The following SDK2 variants were observed in gnomAD, a reference collection of about 807,000 sequenced individuals.
SDK2 encodes the protein sidekick cell adhesion molecule 2, also known as protein sidekick-2.
In SDK2, 105 loss-of-function variants were observed where a neutral mutation model predicts 253.9. That is an observed-to-expected ratio of 0.41 (90% CI 0.35 to 0.49). The LOEUF (loss-of-function observed/expected upper bound fraction) is 0.49. Among genes scored for constraint, SDK2 ranks in the 20% least tolerant of loss-of-function variants. SDK2 has a pLI of 0.06. For synonymous variants in SDK2, 1,249 were observed against 1,234.9 expected, an observed-to-expected ratio of 1.01 and a Z score of -0.24; for missense variants, 2,608 against 3,003.0, an observed-to-expected ratio of 0.87 and a Z score of 3.07.
chr17:73,489,072 T>G (rs1231264291), intron 2 of SDK2, among the ~76,000 whole-genome samples: 1 of 152,216 alleles, frequency 6.6e-6, no homozygotes, highest in Non-Finnish European at 1.5e-5. Flanking sequence ...TGTTAGGCAC[T>G]GGGAATTAGC....
At chr17:73,418,635 T>A (rs1345707921) in intron 16 of SDK2, among the ~76,000 whole-genome samples, 1 of 152,236 alleles carries the variant, frequency 6.6e-6, no homozygotes, top group Non-Finnish European at 1.5e-5. Context: ...GAATTTGAAC[T>A]TATGAATACC....
intron 18 of SDK2, among the ~76,000 whole-genome samples, chr17:73,413,589 T>C (rs562270913): frequency 1.3e-5 from 2 of 152,284 alleles, no homozygotes; most frequent in East Asian, 1.9e-4. Flanking sequence ...CAAATGCATT[T>C]CTACGACCAC....
chr17:73,566,847 AC>A (rs1046370717), intron 1 of SDK2, among the ~76,000 whole-genome samples: 11 of 152,002 alleles, frequency 7.2e-5, no homozygotes, highest in African/African-American at 2.7e-4. Flanking sequence ...GAACAAAAAA[AC>A]GACTTAAATT....
In SDK2 at chr17:73,528,399, C is replaced by T. The variant is rs147944930; in HGVS notation, c.65-20802G>A. On this transcript the variant is annotated intron_variant, in intron 1 of 44. Coordinates refer to ENST00000392650, the MANE Select transcript of SDK2 (RefSeq NM_001144952.2). ...TTGCAATGTGCCAGGTTGTCCCAGGCGATGCACCAAGTCCACATGACAATC... is the reference window on the plus strand; with the variant it reads ...TTGCAATGTGCCAGGTTGTCCCAGGTGATGCACCAAGTCCACATGACAATC... 6.6e-3 allele frequency among the ~76,000 whole-genome samples: 1,004 copies of T among 152,312 alleles called. 6 individuals are homozygous for T. The highest frequency in any genetic ancestry group is 0.02 in the Middle Eastern group (6 of 294).
rs112567584 is a variant in SDK2 at position 73,534,900 on chromosome 17, C to T, written c.65-27303G>A. Among the ~76,000 whole-genome samples, 945 of 152,238 alleles carry T rather than the reference C, an allele frequency of 6.2e-3. 10 individuals carry two copies. Among genetic ancestry groups the T allele is most frequent in the African/African-American group, 0.022 (898 of 41,550 alleles). ...GGATACTGGATACTCTGCGATCGGC[C>T]GATCAGCCCGCTACTGGGTCTAAGG... On this transcript the variant is annotated intron_variant, in intron 1 of 44. Coordinates refer to ENST00000392650, the MANE Select transcript of SDK2 (RefSeq NM_001144952.2). This position sits in a 1 kb window ranked among gnomAD's most constrained non-coding sequence, Gnocchi z 4.9.
chr17:73,339,132 C>G (rs930586426), intron 44 of SDK2, among the ~76,000 whole-genome samples, 192 bp from the exon 45 acceptor site: 1 of 152,136 alleles, frequency 6.6e-6, no homozygotes, highest in Non-Finnish European at 1.5e-5. Context: ...CTGCTTCCTT[C>G]ACAGCAGATC....
chr17:73,412,191 C>A (rs543483389), intron 18 of SDK2, among the ~76,000 whole-genome samples: 1 of 147,046 alleles, frequency 6.8e-6, no homozygotes, highest in Admixed American at 6.8e-5. Flanking sequence ...TATGCACATA[C>A]ACACATATAC....
intron 44 of SDK2, among the ~76,000 whole-genome samples, chr17:73,341,620 T>A (rs2062437818): frequency 1.3e-5 from 2 of 152,024 alleles, no homozygotes; most frequent in African/African-American, 4.8e-5. Context: ...CAGACAAGTT[T>A]GGGATGGGGA....
At chr17:73,405,615 G>A (rs1416998902) in intron 18 of SDK2, among the ~76,000 whole-genome samples, 2 of 149,424 alleles carry the variant, frequency 1.3e-5, no homozygotes, top group African/African-American at 2.5e-5. Flanking sequence ...TATTCATGTG[G>A]GATTGGTTCC....
In SDK2 at chr17:73,481,117, G is replaced by A. The variant is rs533472623; in HGVS notation, c.225-8899C>T. Reference sequence around the variant, plus strand: ...AGGGGAAGATCCGGAATTGGTTCTGGAGCAGGCACTGGGGAGGGGACAGGC... The same window carrying A: ...AGGGGAAGATCCGGAATTGGTTCTGAAGCAGGCACTGGGGAGGGGACAGGC... On this transcript the variant is annotated intron_variant, in intron 2 of 44. Transcript: ENST00000392650. This position sits in a 1 kb window ranked among gnomAD's most constrained non-coding sequence, Gnocchi z 4.5. Among the ~76,000 whole-genome samples, 1 of 152,314 alleles carries A rather than the reference G, an allele frequency of 6.6e-6. No individual in the cohort carries two copies. Among genetic ancestry groups the A allele is most frequent in the Non-Finnish European group, 1.5e-5 (1 of 68,024 alleles).
chr17:73,395,396 C>T lies in SDK2; in HGVS notation c.3355-4G>A, dbSNP rs1599521206. 1 of 1,612,516 alleles carries T rather than the reference C, an allele frequency of 6.2e-7. No individual in the cohort carries two copies. The highest frequency in any genetic ancestry group is 8.5e-7 in the Non-Finnish European group (1 of 1,178,780). The stretch of plus-strand genomic sequence containing the variant: ...TGTATTCCATCTCCGGGAGAGGCTG[C>T]AGCGGGGCAGGGGTGGCAAAGCTGC... On this transcript the variant is annotated splice_polypyrimidine_tract_variant and splice_region_variant and intron_variant, in intron 24 of 44. Coordinates refer to ENST00000392650, the MANE Select transcript of SDK2 (RefSeq NM_001144952.2). This position sits in a 1 kb window ranked among gnomAD's most constrained non-coding sequence, Gnocchi z 4.3.
Position 73,629,221 on chromosome 17 carries a change from C to G in SDK2, c.64+14804G>C, listed in dbSNP as rs1251214571. 6.6e-6 allele frequency among the ~76,000 whole-genome samples: 1 copy of G among 152,174 alleles called. No individual in the cohort carries two copies. The highest frequency in any genetic ancestry group is 2.4e-5 in the African/African-American group (1 of 41,442). On this transcript the variant is annotated intron_variant, in intron 1 of 44. Coordinates refer to ENST00000392650, the MANE Select transcript of SDK2 (RefSeq NM_001144952.2). The surrounding 1 kb of genome is among the most constrained non-coding windows in gnomAD (Gnocchi z 5.0). ...TTCTCTTTGTTCCCTACCATTTTAGCTCAGATACGGGCCCTCAGGGAGGCT... is the reference window on the plus strand; with the variant it reads ...TTCTCTTTGTTCCCTACCATTTTAGGTCAGATACGGGCCCTCAGGGAGGCT...
chr17:73,415,934 C>T lies in SDK2; in HGVS notation c.2245G>A (p.Val749Met). The change falls in exon 17 of 45, where the codon GTG (valine) becomes ATG (methionine). Residue 749 changes from valine to methionine, a missense_variant. Around this residue, in one of 2 missense-constraint regions of SDK2, gnomAD observed 1,505 missense variants for 1,859.1 expected, o/e 0.81. Transcript: ENST00000392650. Reference sequence around the variant, plus strand: ...AGATCCTCCAGCAGCAGGTTGTTCACATCAGCATCCGTGATGTTCTTAAAC... The same window carrying T: ...AGATCCTCCAGCAGCAGGTTGTTCATATCAGCATCCGTGATGTTCTTAAAC... ...YQFKNITDAD[V>M]NNLLLEDLII... 1 of 1,611,260 alleles carries T rather than the reference C, an allele frequency of 6.2e-7. No individual in the cohort carries two copies. Among genetic ancestry groups the T allele is most frequent in the Non-Finnish European group, 8.5e-7 (1 of 1,178,880 alleles).
At chr17:73,355,354 T>G (rs2062583128) in intron 40 of SDK2, among the ~76,000 whole-genome samples, 1 of 149,636 alleles carries the variant, frequency 6.7e-6, no homozygotes, top group Admixed American at 6.7e-5. Flanking sequence ...ACTTATTTAT[T>G]TATTTATTTA....
intron 5 of SDK2, among the ~76,000 whole-genome samples, chr17:73,441,315 T>C (rs1320261905): frequency 6.6e-6 from 1 of 152,168 alleles, no homozygotes; most frequent in Non-Finnish European, 1.5e-5. Context: ...GCAAACTCTC[T>C]GTACGAGGTC....
Position 73,348,671 on chromosome 17 carries a change from G to C in SDK2, c.6093C>G (p.Thr2031=). The C allele has an allele frequency of 6.2e-7, 1 of 1,612,414 alleles. No individual in the cohort carries two copies. Among genetic ancestry groups the C allele is most frequent in the East Asian group, 2.2e-5 (1 of 44,876 alleles). The change falls in exon 44 of 45, where the codon ACC becomes ACG. Residue 2031 remains threonine (T), a synonymous_variant. Coordinates refer to ENST00000392650, the MANE Select transcript of SDK2 (RefSeq NM_001144952.2). The stretch of plus-strand genomic sequence containing the variant: ...CTGCAGGGATGAGGTCGTTGTATTT[G>C]GTGACATCCTCATCCGAGTAGTGCA... ...GSLHYSDEDV[T]KYNDLIPAES... is the part of the protein sequence containing the mutation.
chr17:73,442,736 G>A (rs1464742149), intron 5 of SDK2, among the ~76,000 whole-genome samples: 1 of 151,752 alleles, frequency 6.6e-6, no homozygotes, highest in Non-Finnish European at 1.5e-5. Flanking sequence ...GTGAACAAAT[G>A]AATGGATCTA....
rs2063250891 is a variant in SDK2 at position 73,423,456 on chromosome 17, G to C, written c.1827C>G (p.Asn609Lys). The C allele has an allele frequency of 1.3e-6, 2 of 1,594,776 alleles. No individual in the cohort carries two copies. Among genetic ancestry groups the C allele is most frequent in the African/African-American group, 2.7e-5 (2 of 74,426 alleles). ...TLSTVERRAINLTWTKPFDGN... is the reference protein window; with the variant it reads ...TLSTVERRAIKLTWTKPFDGN... ...CATCAAAGGGCTTGGTCCACGTCAG[G>C]TTGATGGCTCGCCTTTCCACGGTGC... The change falls in exon 14 of 45, where the codon AAC becomes AAG. Residue 609 changes from asparagine to lysine, a missense_variant. Physicochemically the swap from Asn to Lys is moderately conservative, Grantham distance 94. Around this residue, in one of 2 missense-constraint regions of SDK2, gnomAD observed 1,505 missense variants for 1,859.1 expected, o/e 0.81. Transcript: ENST00000392650.
Position 73,643,957 on chromosome 17 carries a change from T to TCCC in SDK2, c.64+65_64+67dup. On this transcript the variant is annotated intron_variant, in intron 1 of 44. Transcript: ENST00000392650. This position sits in a 1 kb window ranked among gnomAD's most constrained non-coding sequence, Gnocchi z 6.9. ...GGAGGTCACCGTGAGGCCGGCCAGC[T>TCCC]CCCGCCGCCCCTCCCCCGCCCACTC... The TCCC allele has an allele frequency of 8.8e-6, 9 of 1,019,984 alleles. No individual in the cohort carries two copies. Among genetic ancestry groups the TCCC allele is most frequent in the East Asian group, 5.3e-5 (2 of 37,504 alleles). 63.2% of individuals were successfully genotyped at this position (1,019,984 alleles called of 1,614,324 possible).
Sources: allele counts gnomAD v4.1 joint callset (sites outside exome capture counted in the v4.1 genomes callset), GRCh38; gene constraint gnomAD v4.1.1; regional missense constraint gnomAD v4.1.1; non-coding constraint Gnocchi (gnomAD v3.1); transcripts MANE v1.5; gene names NCBI Gene and HGNC (gene_info 2026-07-23, HGNC 2026-07-21).